Variants in ARNT2 observed in about 807,000 individuals in gnomAD.
ARNT2 encodes aryl hydrocarbon receptor nuclear translocator 2.
ARNT2 carries 36 observed loss-of-function variants against 91.7 expected under a neutral mutation model. The ratio of observed to expected loss-of-function variants is 0.39; its 90% CI spans 0.30 to 0.52. ARNT2 has a LOEUF of 0.52. ARNT2 is among the 20% of genes least tolerant of loss of function. The probability of loss-of-function intolerance (pLI) is 0.72; values close to 1 mark genes in which losing one functional copy is unlikely to be tolerated. For missense variants in ARNT2, 775 were observed against 939.3 expected (o/e 0.83, Z 2.29); for synonymous variants, 365 against 347.1 (o/e 1.05, Z -0.57).
chr15:80,462,040 C>A (rs1325149831), intron 3 of ARNT2, among the ~76,000 whole-genome samples: 2 of 152,114 alleles, frequency 1.3e-5, no homozygotes, highest in Admixed American at 6.5e-5. Context: ...GGCACCAGTC[C>A]CTCCCTGGTT....
intron 1 of ARNT2, among the ~76,000 whole-genome samples, chr15:80,445,773 G>T (rs1406016641): frequency 6.6e-6 from 1 of 152,046 alleles, no homozygotes; most frequent in African/African-American, 2.4e-5. Flanking sequence ...AACAGATGGA[G>T]CACCTCATCT....
intron 11 of ARNT2, among the ~76,000 whole-genome samples, chr15:80,559,586 G>A (rs1436586300): frequency 1.3e-5 from 2 of 152,202 alleles, no homozygotes; most frequent in Admixed American, 6.5e-5. Context: ...CCAGACAGGA[G>A]GCCCTTAGAA....
chr15:80,456,293 T>A (rs1309186550), intron 2 of ARNT2, among the ~76,000 whole-genome samples: 1 of 151,614 alleles, frequency 6.6e-6, no homozygotes, highest in Non-Finnish European at 1.5e-5. Context: ...TTTTTTCTTA[T>A]CACTGTTCTA....
intron 5 of ARNT2, among the ~76,000 whole-genome samples, chr15:80,477,831 A>T (rs1403529717): frequency 6.6e-6 from 1 of 152,232 alleles, no homozygotes; most frequent in Non-Finnish European, 1.5e-5. Context: ...AATAACACTT[A>T]TGATAAGAGT....
intron 1 of ARNT2, chr15:80,434,149 C>T (rs779053466): frequency 6.6e-6 from 1 of 152,198 alleles, no homozygotes; most frequent in Non-Finnish European, 1.5e-5. Flanking sequence ...ATGCCCTGCC[C>T]TGGGGCAGAG....
At chr15:80,545,372 A>ATGT (rs1370700279) in intron 8 of ARNT2, among the ~76,000 whole-genome samples, 1 of 152,228 alleles carries the variant, frequency 6.6e-6, no homozygotes, top group East Asian at 1.9e-4. Context: ...TGTGCTGTTC[A>ATGT]TGTGAGTCCT....
intron 1 of ARNT2, among the ~76,000 whole-genome samples, chr15:80,405,035 C>G (rs983312156): frequency 5.9e-5 from 9 of 151,744 alleles, no homozygotes; most frequent in African/African-American, 1.9e-4. Context: ...AAGCGCTGGT[C>G]CTTTGCGCCC....
chr15:80,524,583 G>A (rs1897604645), intron 8 of ARNT2, among the ~76,000 whole-genome samples: 1 of 152,078 alleles, frequency 6.6e-6, no homozygotes, highest in Non-Finnish European at 1.5e-5. Context: ...GGCTATGTAA[G>A]AACAAAGTGC....
chr15:80,444,063 C>G (rs183300970), intron 1 of ARNT2, among the ~76,000 whole-genome samples: 1 of 152,196 alleles, frequency 6.6e-6, no homozygotes, highest in Non-Finnish European at 1.5e-5. Context: ...GTGGCAAACC[C>G]TCAGCTGCAT....
chr15:80,468,727 T>A (rs1896692524), intron 3 of ARNT2, among the ~76,000 whole-genome samples: 1 of 152,238 alleles, frequency 6.6e-6, no homozygotes. Flanking sequence ...ATTTCCACTA[T>A]GCAAGGTGTA....
intron 12 of ARNT2, among the ~76,000 whole-genome samples, chr15:80,571,073 C>G (rs922525915): frequency 6.6e-6 from 1 of 152,142 alleles, no homozygotes; most frequent in African/African-American, 2.4e-5. Context: ...GAAACAGAAT[C>G]CAACTTATTT....
chr15:80,546,690 C>T (rs867374960), intron 8 of ARNT2, among the ~76,000 whole-genome samples: 3 of 152,150 alleles, frequency 2.0e-5, no homozygotes, highest in Middle Eastern at 3.4e-3. Context: ...AATGGCTGGG[C>T]GCGGTGGCTC....
intron 4 of ARNT2, among the ~76,000 whole-genome samples, chr15:80,472,019 A>G (rs1179167921): frequency 1.3e-5 from 2 of 152,198 alleles, no homozygotes; most frequent in East Asian, 1.9e-4. Flanking sequence ...TGAAATGAAC[A>G]TAAAGCTTTT....
At chr15:80,495,197 G>A (rs1330093636) in intron 5 of ARNT2, among the ~76,000 whole-genome samples, 1 of 152,168 alleles carries the variant, frequency 6.6e-6, no homozygotes, top group African/African-American at 2.4e-5. Flanking sequence ...AGGGCCCAGA[G>A]GGGGATGGTT....
At chr15:80,570,434 G>C (rs1029585792) in intron 12 of ARNT2, among the ~76,000 whole-genome samples, 2 of 151,954 alleles carry the variant, frequency 1.3e-5, no homozygotes, top group Non-Finnish European at 2.9e-5. Context: ...CCCAAGGTGT[G>C]AATCAAAGCA....
intron 5 of ARNT2, among the ~76,000 whole-genome samples, chr15:80,504,866 G>A (rs115919590): frequency 0.012 from 1,893 of 152,256 alleles, 39 homozygotes; most frequent in African/African-American, 0.043. Context: ...TGGCACACTG[G>A]GGAGCTGTGA....
chr15:80,406,799 G>A (rs1177606929), intron 1 of ARNT2, among the ~76,000 whole-genome samples: 1 of 152,166 alleles, frequency 6.6e-6, no homozygotes, highest in Non-Finnish European at 1.5e-5. Context: ...TTTCTCAAGG[G>A]AAAATTCCTT....
At chr15:80,507,259 G>A (rs777733591) in intron 5 of ARNT2, among the ~76,000 whole-genome samples, 4 of 152,208 alleles carry the variant, frequency 2.6e-5, no homozygotes, top group Non-Finnish European at 5.9e-5. Flanking sequence ...AACCCCGTGG[G>A]GGGTGGGAGC....
intron 5 of ARNT2, among the ~76,000 whole-genome samples, chr15:80,478,567 C>T (rs1202001806): frequency 1.3e-5 from 2 of 152,202 alleles, no homozygotes; most frequent in African/African-American, 2.4e-5. Context: ...GGGCCAAGCC[C>T]GTCTTGTCAG....
Sources: allele counts gnomAD v4.1 joint callset (sites outside exome capture counted in the v4.1 genomes callset), GRCh38; gene constraint gnomAD v4.1.1; transcripts MANE v1.5; gene names NCBI Gene and HGNC (gene_info 2026-07-23, HGNC 2026-07-21).